GAL3ST3: variants seen among roughly 807,000 people sequenced by gnomAD.
The protein encoded by GAL3ST3 is beta-galactose-3-O-sulfotransferase 3.
GAL3ST3 carries 21 observed loss-of-function variants against 20.8 expected under a neutral mutation model. The observed-to-expected ratio is 1.01, with a 90% confidence interval of 0.72 to 1.45. The LOEUF is 1.45. Ranked by LOEUF, GAL3ST3 falls within the 40% of genes most tolerant of loss-of-function variation. The probability of loss-of-function intolerance (pLI) is 0.00; values close to 1 mark genes in which losing one functional copy is unlikely to be tolerated. For synonymous variants in GAL3ST3, 355 were observed against 307.2 expected (o/e 1.16, Z -1.63); for missense variants, 739 against 662.7 (o/e 1.12, Z -1.26).
At position 66,045,303 on chromosome 11, in the gene GAL3ST3, G is replaced by A. The variant is rs759553678; in HGVS notation, c.113C>T (p.Ala38Val). The A allele has an allele frequency of 2.1e-5, 33 of 1,579,270 alleles. No individual in the cohort carries two copies. Among genetic ancestry groups the A allele is most frequent in the African/African-American group, 1.8e-4 (13 of 73,392 alleles). ...STVSLLIHQG[A>V]QLSWYPKLFP... is the part of the protein sequence containing the mutation. ...CCCGCCCCCTTACCAGCTGAGCTGCGCCCCCTGGTGGATGAGAAGGCTTAC... is the reference window on the plus strand; with the variant it reads ...CCCGCCCCCTTACCAGCTGAGCTGCACCCCCTGGTGGATGAGAAGGCTTAC... Residue 38 changes from alanine (A) to valine (V), a missense_variant, in exon 2 of 3, where the codon GCG becomes GTG. Physicochemically the swap from Ala to Val is moderately conservative, Grantham distance 64. Transcript: ENST00000312006.
intron 1 of GAL3ST3, among the ~76,000 whole-genome samples, chr11:66,047,305 A>C (rs1005222865): frequency 1.3e-5 from 2 of 152,216 alleles, no homozygotes; most frequent in Non-Finnish European, 2.9e-5. Flanking sequence ...CAAGATGGGA[A>C]GAGGGGAGTC....
intron 1 of GAL3ST3, 119 bp from the exon 2 acceptor site, chr11:66,045,646 A>T (rs1329378755): frequency 1.8e-5 from 7 of 384,176 alleles, no homozygotes. Context: ...GGCAGATCGG[A>T]TTCCTACCTC....
In GAL3ST3 at chr11:66,042,883, C is replaced by T; in HGVS notation, c.920G>A (p.Arg307His). ...CGCGCGGCCCGCGCGCGCCACGTGG[C>T]GCCAGAAGGTGGCGTTGAAGTGGTC... ...LYDHFNATFW[R>H]HVARAGRACV... The change falls in exon 3 of 3, where the codon CGC becomes CAC. Residue 307 changes from arginine (R) to histidine (H), a missense_variant. By Grantham distance (29) the Arg-to-His change is conservative. Coordinates refer to ENST00000312006, the MANE Select transcript of GAL3ST3 (RefSeq NM_033036.3). 1 of 1,179,854 alleles carries T rather than the reference C, an allele frequency of 8.5e-7. No homozygotes were observed. The highest frequency in any genetic ancestry group is 1.1e-6 in the Non-Finnish European group (1 of 947,056). The allele number at this position is 1,179,854 out of a possible 1,614,324, so 73.1% of individuals were successfully genotyped here.
At position 66,046,687 on chromosome 11, in the gene GAL3ST3, G is replaced by A. The variant is rs371069856; in HGVS notation, c.-112-1160C>T. Among the ~76,000 whole-genome samples, 3 of 152,220 alleles carry A rather than the reference G, an allele frequency of 2.0e-5. No homozygotes were observed. In the East Asian group the frequency reaches 5.8e-4, roughly 29 times the overall value. ...GGCAGCCCAATCCTGGGCAGCTCCC[G>A]TGGAAAGTCCACTTCAGCAGTGATG... is the stretch of plus-strand genomic sequence containing the variant. On this transcript the variant is annotated intron_variant, in intron 1 of 2. Coordinates refer to ENST00000312006, the MANE Select transcript of GAL3ST3 (RefSeq NM_033036.3).
rs1260393273 is a variant in GAL3ST3 at position 66,042,350 on chromosome 11, G to C, written c.*157C>G. 2 of 596,706 alleles carry C rather than the reference G, an allele frequency of 3.4e-6. No homozygotes were observed. Among genetic ancestry groups the C allele is most frequent in the Admixed American group, 7.4e-5 (2 of 27,208 alleles). 37.0% of individuals were successfully genotyped at this position (596,706 alleles called of 1,614,324 possible). A position where few individuals can be genotyped will look rare whatever the true frequency, so the allele number is the denominator to read the frequency against. On this transcript the variant is annotated 3_prime_UTR_variant, in exon 3 of 3. Coordinates refer to ENST00000312006, the MANE Select transcript of GAL3ST3 (RefSeq NM_033036.3). ...GGCAAGGTTCAGCCCACGATCGGGA[G>C]CGGGGGCTCAGATAGGGAGGCGTAC...
Position 66,043,676 on chromosome 11 carries a change from A to G in GAL3ST3, c.127T>C (p.Tyr43His). Residue 43 changes from tyrosine to histidine, a missense_variant and splice_region_variant, in exon 3 of 3, where the codon TAC (tyrosine) becomes CAC (histidine). Coordinates refer to ENST00000312006, the MANE Select transcript of GAL3ST3 (RefSeq NM_033036.3). ...CAGCTCAAGGGGAACAGCTTGGGGT[A>G]CCTGCCAGGCCCAGGGAGTGTGCGG... ...LIHQGAQLSW[Y>H]PKLFPLSCPP... 1 of 1,599,086 alleles carries G rather than the reference A, an allele frequency of 6.3e-7. No individual in the cohort carries two copies. Among genetic ancestry groups the G allele is most frequent in the Non-Finnish European group, 8.5e-7 (1 of 1,170,902 alleles).
Position 66,043,513 on chromosome 11 carries a change from G to T in GAL3ST3, c.290C>A (p.Pro97Gln). ...AERHNLTVAL[P>Q]HPSCEHQFCY... is the part of the protein sequence containing the mutation. ...GAACTGGTGCTCGCAGCTCGGGTGC[G>T]GCAGGGCCACCGTCAGGTTGTGGCG... The change falls in exon 3 of 3, where the codon CCG (proline) becomes CAG (glutamine). Residue 97 changes from proline (P) to glutamine (Q), a missense_variant. Pro to Gln is a moderately conservative substitution (Grantham distance 76). Coordinates refer to ENST00000312006, the MANE Select transcript of GAL3ST3 (RefSeq NM_033036.3). 1 of 1,610,580 alleles carries T rather than the reference G, an allele frequency of 6.2e-7. No homozygotes were observed. The highest frequency in any genetic ancestry group is 8.5e-7 in the Non-Finnish European group (1 of 1,179,476).
In GAL3ST3 at chr11:66,045,284, C is replaced by T; in HGVS notation, c.125+7G>A. 1.3e-6 allele frequency: 2 copies of T among 1,548,154 alleles called. No individual in the cohort carries two copies. The highest frequency in any genetic ancestry group is 8.7e-7 in the Non-Finnish European group (1 of 1,146,852). ...GCTCCGGCCCCCCTGGGGCCCCGCC[C>T]CCTTACCAGCTGAGCTGCGCCCCCT... On this transcript the variant is annotated splice_region_variant and intron_variant, in intron 2 of 2. Coordinates refer to ENST00000312006, the MANE Select transcript of GAL3ST3 (RefSeq NM_033036.3).
chr11:66,047,130 C>T (rs1856790769), intron 1 of GAL3ST3, among the ~76,000 whole-genome samples: 1 of 152,334 alleles, frequency 6.6e-6, no homozygotes, highest in South Asian at 2.1e-4. Flanking sequence ...AAGTCTAAGG[C>T]CCTCCCTGTC....
At position 66,043,403 on chromosome 11, in the gene GAL3ST3, G is replaced by C. The variant is rs900535564; in HGVS notation, c.400C>G (p.Arg134Gly). The change falls in exon 3 of 3, where the codon CGT becomes GGT. Residue 134 changes from arginine (R) to glycine (G), a missense_variant. By Grantham distance (125) the Arg-to-Gly change is moderately radical (BLOSUM62 -2). Transcript: ENST00000312006. ...HVLASHLRFD[R>G]AELERLMPPS... is the part of the protein sequence containing the mutation. ...GGCATGAGGCGCTCCAGCTCCGCACGGTCGAAGCGCAGGTGGCTGGCCAGC... is the reference window on the plus strand; with the variant it reads ...GGCATGAGGCGCTCCAGCTCCGCACCGTCGAAGCGCAGGTGGCTGGCCAGC... 1.2e-6 allele frequency: 2 copies of C among 1,610,084 alleles called. No homozygotes were observed. The highest frequency in any genetic ancestry group is 1.7e-6 in the Non-Finnish European group (2 of 1,178,564).
At position 66,042,773 on chromosome 11, in the gene GAL3ST3, G is replaced by A; in HGVS notation, c.1030C>T (p.Pro344Ser). Residue 344 changes from proline (P) to serine (S), a missense_variant, in exon 3 of 3, where the codon CCT (proline) becomes TCT (serine). Pro to Ser is a moderately conservative substitution (Grantham distance 74). Transcript: ENST00000312006. ...TGCTTGGTGCGGATCTGCGCGGCAGGCCGCAGCAGTGGCTCGTCCCCGAAG... is the reference window on the plus strand; with the variant it reads ...TGCTTGGTGCGGATCTGCGCGGCAGACCGCAGCAGTGGCTCGTCCCCGAAG... ...RCFGDEPLLR[P>S]AAQIRTKQLQ... is the part of the protein sequence containing the mutation. The A allele has an allele frequency of 6.6e-7, 1 of 1,508,770 alleles. No homozygotes were observed. Among genetic ancestry groups the A allele is most frequent in the South Asian group, 1.2e-5 (1 of 80,588 alleles). 93.5% of individuals were successfully genotyped at this position (1,508,770 alleles called of 1,614,324 possible).
At chr11:66,045,620 T>C (rs1856775162) in intron 1 of GAL3ST3, 93 bp from the exon 2 acceptor site, 2 of 470,124 alleles carry the variant, frequency 4.3e-6, no homozygotes, top group Non-Finnish European at 7.4e-6. Context: ...ACAGGTGGGG[T>C]AAGCAGAGAG....
rs1204091748 is a variant in GAL3ST3 at position 66,042,568 on chromosome 11, ACGGGCTCGGGC to A, written c.1224_1234del (p.Glu410GlyfsTer69). On this transcript the variant is annotated frameshift_variant, in exon 3 of 3. Transcript: ENST00000312006. LOFTEE classifies it high-confidence loss of function. ...GGGCCGAGGCGGGGGATTGTCCAGG[ACGGGCTCGGGC>A]CGAGCCCGCGCACCGCCCCGGCGCT... is the stretch of plus-strand genomic sequence containing the variant. The A allele has an allele frequency of 1.3e-6, 2 of 1,526,818 alleles. No individual in the cohort carries two copies. Among genetic ancestry groups the A allele is most frequent in the African/African-American group, 2.8e-5 (2 of 72,198 alleles). 94.6% of individuals were successfully genotyped at this position (1,526,818 alleles called of 1,614,324 possible).
At position 66,043,128 on chromosome 11, in the gene GAL3ST3, C is replaced by A; in HGVS notation, c.675G>T (p.Ala225=). Residue 225 remains alanine, a synonymous_variant, in exon 3 of 3, where the codon GCG becomes GCT. Coordinates refer to ENST00000312006, the MANE Select transcript of GAL3ST3 (RefSeq NM_033036.3). ...RSPRDDAAYL[A]GLIRQVEEVF... is the part of the protein sequence containing the mutation. ...CCTCCTCCACCTGGCGGATGAGGCC[C>A]GCCAGGTAGGCGGCGTCGTCGCGCG... 6.2e-7 allele frequency: 1 copy of A among 1,611,766 alleles called. No individual in the cohort carries two copies. The highest frequency in any genetic ancestry group is 1.1e-5 in the South Asian group (1 of 91,048).
chr11:66,043,159 C>T lies in GAL3ST3; in HGVS notation c.644G>A (p.Arg215His), dbSNP rs1290136225. 5.6e-6 allele frequency: 9 copies of T among 1,611,812 alleles called. No homozygotes were observed. Among genetic ancestry groups the T allele is most frequent in the Non-Finnish European group, 7.6e-6 (9 of 1,179,340 alleles). The stretch of plus-strand genomic sequence containing the variant: ...GTAGGCGGCGTCGTCGCGCGGGCTG[C>T]GCTCATTGTCGCCGCCCAGGTCGTA... Reference protein sequence around the residue: ...LAYDLGGDNERSPRDDAAYLA... With the variant: ...LAYDLGGDNEHSPRDDAAYLA... The change falls in exon 3 of 3, where the codon CGC becomes CAC. Residue 215 changes from arginine to histidine, a missense_variant. Transcript: ENST00000312006.
chr11:66,042,974 C>T lies in GAL3ST3; in HGVS notation c.829G>A (p.Ala277Thr), dbSNP rs1478652183. 2.6e-6 allele frequency: 4 copies of T among 1,541,804 alleles called. No homozygotes were observed. The highest frequency in any genetic ancestry group is 3.5e-6 in the Non-Finnish European group (4 of 1,151,258). ...CGCGCCAGCGCCGCGGGGATGGCGG[C>T]CAGGCGCGAGCTGGCGGCGCGCGCG... is the stretch of plus-strand genomic sequence containing the variant. The part of the protein sequence containing the change: ...LNARAASSRL[A>T]AIPAALARAA... Residue 277 changes from alanine to threonine, a missense_variant, in exon 3 of 3, where the codon GCC becomes ACC. Ala to Thr is a moderately conservative substitution (Grantham distance 58). Transcript: ENST00000312006.
chr11:66,043,896 T>G (rs995187168), intron 2 of GAL3ST3, among the ~76,000 whole-genome samples: 2 of 152,164 alleles, frequency 1.3e-5, no homozygotes, highest in Non-Finnish European at 2.9e-5. Context: ...TCACCTGAGT[T>G]AGGCTGGACT....
At chr11:66,044,294 A>G (rs1856757294) in intron 2 of GAL3ST3, among the ~76,000 whole-genome samples, 3 of 152,210 alleles carry the variant, frequency 2.0e-5, no homozygotes, top group Admixed American at 2.0e-4. Context: ...TGGCTTCCTG[A>G]CCCAAAATAA....
chr11:66,042,422 T>TCATGGGGGCAGGA lies in GAL3ST3; in HGVS notation c.*72_*84dup. On this transcript the variant is annotated 3_prime_UTR_variant, in exon 3 of 3. Transcript: ENST00000312006. ...CAAGCCCCTTGAAAAGAAAGGGCTCTCATGGGGGCAGGACATGGAGGCAGC... is the reference window on the plus strand; with the variant it reads ...CAAGCCCCTTGAAAAGAAAGGGCTCTCATGGGGGCAGGACATGGGGGCAGGACATGGAGGCAGC... The TCATGGGGGCAGGA allele has an allele frequency of 9.2e-7, 1 of 1,092,186 alleles. No individual in the cohort carries two copies. 67.7% of individuals were successfully genotyped at this position (1,092,186 alleles called of 1,614,324 possible).
Sources: allele counts gnomAD v4.1 joint callset (sites outside exome capture counted in the v4.1 genomes callset), GRCh38; gene constraint gnomAD v4.1.1; transcripts MANE v1.5; gene names NCBI Gene and HGNC (gene_info 2026-07-23, HGNC 2026-07-21).